Variants in DCC observed in about 807,000 individuals in gnomAD.
DCC encodes netrin receptor DCC.
DCC carries 58 observed loss-of-function variants against 172.5 expected under a neutral mutation model. That is an observed-to-expected ratio of 0.34 (90% CI 0.27 to 0.42). DCC has a LOEUF of 0.42. Ranked by LOEUF, DCC falls within the 10% of genes least tolerant of loss-of-function variation. The pLI is 1.00. For synonymous variants in DCC, 709 were observed against 644.5 expected, an observed-to-expected ratio of 1.10 and a Z score of -1.52; for missense variants, 1,740 against 1,791.0, an observed-to-expected ratio of 0.97 and a Z score of 0.51.
At chr18:52,517,775 C>A (rs1144053) in intron 1 of DCC, among the ~76,000 whole-genome samples, 24,873 of 152,070 alleles carry the variant, frequency 0.16, 2,540 homozygotes, top group Non-Finnish European at 0.23. Context: ...CCATGGAGAA[C>A]CACTATCCTG....
intron 5 of DCC, among the ~76,000 whole-genome samples, chr18:52,951,111 C>T (rs367985378): frequency 6.6e-6 from 1 of 151,942 alleles, no homozygotes; most frequent in Non-Finnish European, 1.5e-5. Flanking sequence ...AGCCACTGTT[C>T]GGTAATGTTT....
In DCC at chr18:52,538,877, T is replaced by C. The variant is rs987927449; in HGVS notation, c.91+197999T>C. On this transcript the variant is annotated intron_variant, in intron 1 of 28. Transcript: ENST00000442544. ...CAAAATATCAGCCACAAAGTAGAAT[T>C]TGAATACAGTGTATGAAATGAATAA... Among the ~76,000 whole-genome samples, 3 of 152,202 alleles carry C rather than the reference T, an allele frequency of 2.0e-5. No individual in the cohort carries two copies. In the East Asian group the frequency reaches 5.8e-4, roughly 29 times the overall value.
chr18:52,477,449 G>A (rs190978474), intron 1 of DCC, among the ~76,000 whole-genome samples: 13 of 152,170 alleles, frequency 8.5e-5, no homozygotes, highest in South Asian at 4.1e-4. Flanking sequence ...GAAAATTGTC[G>A]GAATCAAAAT....
chr18:53,314,788 G>A (rs1599015842), intron 13 of DCC, among the ~76,000 whole-genome samples: 1 of 152,062 alleles, frequency 6.6e-6, no homozygotes, highest in East Asian at 1.9e-4. Context: ...GTGACCTGAG[G>A]CACTAATCTC....
At chr18:52,492,535 G>C (rs967175540) in intron 1 of DCC, among the ~76,000 whole-genome samples, 1 of 151,912 alleles carries the variant, frequency 6.6e-6, no homozygotes, top group Non-Finnish European at 1.5e-5. Context: ...TGTGAGTTTT[G>C]TTGGTTGGAA....
chr18:53,107,437 G>GA (rs1471704741), intron 7 of DCC, among the ~76,000 whole-genome samples: 1 of 144,740 alleles, frequency 6.9e-6, no homozygotes, highest in Non-Finnish European at 1.5e-5. Context: ...ACTCTAAATT[G>GA]AAAAACTTTA....
At chr18:52,538,479 C>T in intron 1 of DCC, among the ~76,000 whole-genome samples, 1 of 152,154 alleles carries the variant, frequency 6.6e-6, no homozygotes, top group East Asian at 1.9e-4. Context: ...CCTGTTCAAA[C>T]TTTATTTCTT....
chr18:53,166,516 G>C (rs1381195072), intron 8 of DCC, among the ~76,000 whole-genome samples: 1 of 152,128 alleles, frequency 6.6e-6, no homozygotes. Flanking sequence ...CATGTGGATA[G>C]ACGCTGAAAC....
chr18:52,540,751 C>T (rs1034451876), intron 1 of DCC, among the ~76,000 whole-genome samples: 11 of 151,690 alleles, frequency 7.3e-5, no homozygotes, highest in African/African-American at 1.9e-4. Context: ...GGACTACAGG[C>T]GCCCGCCACC....
At chr18:52,812,185 A>G (rs1364736108) in intron 2 of DCC, among the ~76,000 whole-genome samples, 1 of 152,250 alleles carries the variant, frequency 6.6e-6, no homozygotes, top group Non-Finnish European at 1.5e-5. Flanking sequence ...ATGTAGGCTT[A>G]CAAAATATAG....
At chr18:52,486,666 C>T (rs113910554) in intron 1 of DCC, among the ~76,000 whole-genome samples, 172 of 152,250 alleles carry the variant, frequency 1.1e-3, no homozygotes, top group African/African-American at 3.8e-3. Flanking sequence ...ATGTTTTACT[C>T]ATCGTAAAGA....
At chr18:53,124,994 C>T (rs1236355362) in intron 7 of DCC, among the ~76,000 whole-genome samples, 1 of 151,702 alleles carries the variant, frequency 6.6e-6, no homozygotes, top group African/African-American at 2.4e-5. Flanking sequence ...ATGCTATCAT[C>T]ATCATCATTT....
At chr18:52,932,696 A>G (rs1231746006) in intron 5 of DCC, among the ~76,000 whole-genome samples, 1 of 152,088 alleles carries the variant, frequency 6.6e-6, no homozygotes, top group Admixed American at 6.6e-5. Flanking sequence ...TCCACCTTAC[A>G]CAGATGTGTT....
chr18:52,488,910 G>A (rs2030360136), intron 1 of DCC, among the ~76,000 whole-genome samples: 2 of 152,020 alleles, frequency 1.3e-5, no homozygotes, highest in South Asian at 2.1e-4. Context: ...GGAAGGAGGA[G>A]TTTTGCAACA....
chr18:52,479,585 C>A lies in DCC; in HGVS notation c.91+138707C>A, dbSNP rs879588102. 1.4e-3 allele frequency among the ~76,000 whole-genome samples: 187 copies of A among 133,700 alleles called. 3 individuals carry two copies. The highest frequency in any genetic ancestry group is 4.8e-3 in the African/African-American group (163 of 34,152). The allele number at this position is 133,700 out of a possible 152,430, so 87.7% of individuals were successfully genotyped here. Reference sequence around the variant, plus strand: ...CTCACTCCCTACCTCCCTCCACCCCCCCCCCGTCTCCCTTCCTCTCACTAA... The same window carrying A: ...CTCACTCCCTACCTCCCTCCACCCCACCCCCGTCTCCCTTCCTCTCACTAA... On this transcript the variant is annotated intron_variant, in intron 1 of 28. Coordinates refer to ENST00000442544, the MANE Select transcript of DCC (RefSeq NM_005215.4).
chr18:53,393,895 TATTCCC>T (rs1490767056), intron 17 of DCC, among the ~76,000 whole-genome samples: 1 of 69,822 alleles, frequency 1.4e-5, no homozygotes, highest in East Asian at 3.4e-4. Context: ...ACTAATGTAC[TATTCCC>T]TCTCTCTCTC....
chr18:52,362,323 G>A (rs1208379067), intron 1 of DCC, among the ~76,000 whole-genome samples: 6 of 152,202 alleles, frequency 3.9e-5, no homozygotes, highest in Non-Finnish European at 4.4e-5. Context: ...TTGGAGCTGG[G>A]AAGTCACAGG....
intron 5 of DCC, among the ~76,000 whole-genome samples, chr18:53,012,642 C>T (rs183930622): frequency 1.3e-3 from 190 of 151,994 alleles, no homozygotes; most frequent in African/African-American, 4.0e-3. Flanking sequence ...TCATGTGATA[C>T]AGTTAAGATT....
chr18:53,092,792 A>G (rs2043032937), intron 7 of DCC, among the ~76,000 whole-genome samples: 1 of 152,058 alleles, frequency 6.6e-6, no homozygotes, highest in Non-Finnish European at 1.5e-5. Context: ...CCATATACCA[A>G]TCCAGTCCCC....
Sources: gnomAD v4.1 joint callset for allele counts (sites outside exome capture counted in the v4.1 genomes callset) on GRCh38, gnomAD v4.1.1 for gene constraint, MANE v1.5 for transcripts, NCBI Gene and HGNC (gene_info 2026-07-23, HGNC 2026-07-21) for gene names.